Variants in WDR75 observed in about 807,000 individuals in gnomAD.
WDR75 encodes the protein WD repeat-containing protein 75.
WDR75 carries 52 observed loss-of-function variants against 106.1 expected under a neutral mutation model. The observed-to-expected ratio is 0.49, with a 90% CI of 0.39 to 0.62. The LOEUF is 0.62. Ranked by LOEUF, WDR75 falls within the 20% of genes least tolerant of loss-of-function variation. The pLI is 0.00. For synonymous variants in WDR75, 333 were observed against 335.5 expected, an observed-to-expected ratio of 0.99 and a Z score of 0.08; for missense variants, 905 against 970.3, an observed-to-expected ratio of 0.93 and a Z score of 0.89.
chr2:189,457,403 CTTTAT>C (rs761576139), intron 6 of WDR75, 22 bp downstream of exon 6: 42 of 1,454,916 alleles, frequency 2.9e-5, no homozygotes, highest in South Asian at 1.1e-4. Flanking sequence ...TTTTTATTAG[CTTTAT>C]TTTATTTGCT....
At position 189,470,067 on chromosome 2, in the gene WDR75, T is replaced by TC; in HGVS notation, c.1820-6dup. 6.2e-7 allele frequency: 1 copy of TC among 1,606,446 alleles called. No individual in the cohort carries two copies. The highest frequency in any genetic ancestry group is 8.5e-7 in the Non-Finnish European group (1 of 1,176,816). On this transcript the variant is annotated splice_polypyrimidine_tract_variant and intron_variant, in intron 16 of 20. Coordinates refer to ENST00000314761, the MANE Select transcript of WDR75 (RefSeq NM_032168.3). The stretch of plus-strand genomic sequence containing the variant: ...AAAATGTTATTGTTTCTTTGTTTTT[T>TC]CCCTCTAGTGTTTGTATTTAAACCT...
At chr2:189,455,190 G>A (rs1170850334) in intron 4 of WDR75, 130 bp from the exon 5 acceptor site, 24 of 1,095,054 alleles carry the variant, frequency 2.2e-5, no homozygotes, top group African/African-American at 1.6e-4. Context: ...GCAGTGAGCC[G>A]AGATCACGCC....
At chr2:189,450,153 T>A in intron 2 of WDR75, 1 of 965,776 alleles carries the variant, frequency 1.0e-6, no homozygotes, top group Non-Finnish European at 1.2e-6. Context: ...TCCAAGCATA[T>A]TATAATTTCT....
At chr2:189,469,110 A>T (rs13424504) in intron 15 of WDR75, among the ~76,000 whole-genome samples, 1 of 152,196 alleles carries the variant, frequency 6.6e-6, no homozygotes, top group South Asian at 2.1e-4. Context: ...AGCACTAGAC[A>T]TAAATTTCAA....
intron 1 of WDR75, among the ~76,000 whole-genome samples, chr2:189,447,409 A>G (rs1378343466): frequency 6.6e-6 from 1 of 152,178 alleles, no homozygotes; most frequent in Non-Finnish European, 1.5e-5. Flanking sequence ...AAGTCTTTGT[A>G]TTTTTCTGTA....
chr2:189,475,439 C>T lies in WDR75; in HGVS notation c.*22C>T, dbSNP rs754835638. The T allele has an allele frequency of 6.1e-6, 9 of 1,464,712 alleles. No homozygotes were observed. The highest frequency in any genetic ancestry group is 8.4e-6 in the Non-Finnish European group (9 of 1,071,896). The allele number at this position is 1,464,712 out of a possible 1,614,324, so 90.7% of individuals were successfully genotyped here. ...TTAAGCCTTGGAGATGGGGAGGATC[C>T]TTGGACTTTGTGTTTTTGATTGTAT... On this transcript the variant is annotated 3_prime_UTR_variant, in exon 21 of 21. Transcript: ENST00000314761.
rs763983354 is a variant in WDR75 at position 189,451,837 on chromosome 2, C to G, written c.315C>G (p.Leu105=). ...TFIVGCKLHA[L]FTLAQAEDSV... ...TAGTTGGATGTAAACTTCATGCCCT[C>G]TTTACTCTTGCCCAAGCTGAGGATT... Residue 105 remains leucine, a synonymous_variant, in exon 4 of 21, where the codon CTC becomes CTG. Coordinates refer to ENST00000314761, the MANE Select transcript of WDR75 (RefSeq NM_032168.3). 8.7e-6 allele frequency: 14 copies of G among 1,613,780 alleles called. No individual in the cohort carries two copies. The highest frequency in any genetic ancestry group is 1.1e-5 in the Non-Finnish European group (13 of 1,179,914).
At chr2:189,470,762 T>C in intron 17 of WDR75, 57 bp from the exon 18 acceptor site, 1 of 1,394,742 alleles carries the variant, frequency 7.2e-7, no homozygotes, top group Non-Finnish European at 9.7e-7. Context: ...CTGTAACACC[T>C]TGTTTAGATT....
chr2:189,469,796 C>G (rs1186634593), intron 16 of WDR75, among the ~76,000 whole-genome samples: 2 of 152,132 alleles, frequency 1.3e-5, no homozygotes, highest in African/African-American at 4.8e-5. Context: ...AGACAAAATA[C>G]TACTGTAATA....
chr2:189,468,079 T>G (rs2105571387), intron 14 of WDR75, among the ~76,000 whole-genome samples: 1 of 152,290 alleles, frequency 6.6e-6, no homozygotes, highest in African/African-American at 2.4e-5. Context: ...AGATGCCTAA[T>G]GAGATCGTCT....
At chr2:189,461,618 A>T (rs772584457) in intron 8 of WDR75, among the ~76,000 whole-genome samples, 38 of 152,216 alleles carry the variant, frequency 2.5e-4, no homozygotes, top group Admixed American at 8.5e-4. Context: ...TCTTATAATC[A>T]GCTAAATTTA....
rs1687023704 is a variant in WDR75, at chr2:189,467,324, A to G, written c.1448-144A>G. On this transcript the variant is annotated intron_variant, in intron 13 of 20. Transcript: ENST00000314761. ...TTCAAAATATCTTTTTGTACTGTACACAGCTATTTTCAGACCTCAGTTGAC... is the reference window on the plus strand; with the variant it reads ...TTCAAAATATCTTTTTGTACTGTACGCAGCTATTTTCAGACCTCAGTTGAC... The G allele has an allele frequency of 2.4e-5, 17 of 708,616 alleles. No individual in the cohort carries two copies. The South Asian group carries it at 3.7e-4, about 15-fold the overall frequency. 43.9% of individuals were successfully genotyped at this position (708,616 alleles called of 1,614,324 possible). A position where few individuals can be genotyped will look rare whatever the true frequency, so the allele number is the denominator to read the frequency against.
At chr2:189,446,900 C>G (rs1686510108) in intron 1 of WDR75, among the ~76,000 whole-genome samples, 1 of 152,130 alleles carries the variant, frequency 6.6e-6, no homozygotes, top group African/African-American at 2.4e-5. Flanking sequence ...ATAAGGGTTA[C>G]TTGAACATAA....
intron 18 of WDR75, among the ~76,000 whole-genome samples, chr2:189,472,908 A>G (rs984500989): frequency 1.8e-5 from 2 of 112,336 alleles, no homozygotes; most frequent in Non-Finnish European, 4.6e-5. Context: ...TGCTAGAGGA[A>G]AAAAAAAAGT....
intron 17 of WDR75, among the ~76,000 whole-genome samples, 196 bp downstream of exon 17, chr2:189,470,441 G>C (rs949963870): frequency 6.6e-6 from 1 of 152,126 alleles, no homozygotes; most frequent in East Asian, 1.9e-4. Context: ...CACTTTTGAG[G>C]TTCCTTAGGT....
chr2:189,464,432 C>T (rs17198892), intron 11 of WDR75, among the ~76,000 whole-genome samples: 21,587 of 152,092 alleles, frequency 0.14, 1,964 homozygotes, highest in South Asian at 0.21. Flanking sequence ...GTACTCTTTA[C>T]AGATCTCTGT....
intron 12 of WDR75, 51 bp from the exon 13 acceptor site, chr2:189,466,374 A>G: frequency 6.3e-7 from 1 of 1,586,590 alleles, no homozygotes; most frequent in Non-Finnish European, 8.6e-7. Flanking sequence ...ATTCTTATAT[A>G]CATCACTTTG....
chr2:189,448,424 AG>A lies in WDR75; in HGVS notation c.133del (p.Val45LeufsTer16), dbSNP rs777861167. On this transcript the variant is annotated frameshift_variant, in exon 2 of 21. Transcript: ENST00000314761. LOFTEE classifies it high-confidence loss of function. ...SGDFVKVYST[V>X]TEECVHILHG... ...GAGACTTTGTTAAAGTTTACAGCACAGTTACAGAAGAGTGTGTACACATACT... is the reference window on the plus strand; with the variant it reads ...GAGACTTTGTTAAAGTTTACAGCACATTACAGAAGAGTGTGTACACATACT... The A allele has an allele frequency of 5.0e-6, 8 of 1,613,982 alleles. No homozygotes were observed. Among genetic ancestry groups the A allele is most frequent in the Non-Finnish European group, 8.5e-7 (1 of 1,179,876 alleles).
chr2:189,448,147 T>C (rs936621571), intron 1 of WDR75, among the ~76,000 whole-genome samples: 1 of 152,194 alleles, frequency 6.6e-6, no homozygotes, highest in African/African-American at 2.4e-5. Context: ...TTAAATTTCT[T>C]TCCTTTATAA....
Sources: gnomAD v4.1 joint callset for allele counts (sites outside exome capture counted in the v4.1 genomes callset) on GRCh38, gnomAD v4.1.1 for gene constraint, MANE v1.5 for transcripts, NCBI Gene and HGNC (gene_info 2026-07-23, HGNC 2026-07-21) for gene names.